PITPNC1: variants seen among roughly 807,000 people sequenced by gnomAD.
PITPNC1 encodes cytoplasmic phosphatidylinositol transfer protein 1.
PITPNC1 carries 18 observed loss-of-function variants against 44.7 expected under a neutral mutation model. The observed-to-expected ratio is 0.40, with a 90% CI of 0.28 to 0.60. The LOEUF (loss-of-function observed/expected upper bound fraction) is 0.60. Among genes scored for constraint, PITPNC1 ranks in the 20% least tolerant of loss-of-function variants. The pLI is 0.39. For synonymous variants in PITPNC1, 141 were observed against 149.6 expected, an observed-to-expected ratio of 0.94 and a Z score of 0.42; for missense variants, 290 against 418.4, an observed-to-expected ratio of 0.69 and a Z score of 2.68.
intron 2 of PITPNC1, among the ~76,000 whole-genome samples, chr17:67,541,739 C>T (rs995471014): frequency 2.6e-5 from 4 of 152,042 alleles, no homozygotes; most frequent in Non-Finnish European, 5.9e-5. Context: ...ATATTTAACC[C>T]GGAAAAGCTA....
intron 1 of PITPNC1, among the ~76,000 whole-genome samples, chr17:67,522,575 G>A (rs1344546875): frequency 6.6e-6 from 1 of 151,246 alleles, no homozygotes; most frequent in Admixed American, 6.6e-5. Context: ...CTTGAGGCAT[G>A]AGCCATACTC....
At chr17:67,673,961 C>T (rs1355718397) in intron 7 of PITPNC1, among the ~76,000 whole-genome samples, 5 of 67,480 alleles carry the variant, frequency 7.4e-5, no homozygotes, top group Admixed American at 2.0e-4. Flanking sequence ...AGCGAGACTC[C>T]GTCTCAAAAA....
chr17:67,469,343 C>T (rs1336295217), intron 1 of PITPNC1, among the ~76,000 whole-genome samples: 2 of 152,146 alleles, frequency 1.3e-5, no homozygotes, highest in Non-Finnish European at 1.5e-5. Context: ...CTGTGGTCTC[C>T]GTTTTGAGCT....
chr17:67,591,636 AT>A (rs1374514444), intron 5 of PITPNC1, among the ~76,000 whole-genome samples: 2 of 152,000 alleles, frequency 1.3e-5, no homozygotes, highest in African/African-American at 2.4e-5. Context: ...ATATTTCTTG[AT>A]TTTTTTTATA....
intron 1 of PITPNC1, among the ~76,000 whole-genome samples, chr17:67,496,492 C>T (rs948838706): frequency 7.2e-5 from 11 of 152,074 alleles, no homozygotes; most frequent in Non-Finnish European, 1.0e-4. Flanking sequence ...TTGAGTGCAC[C>T]GGTGACGACA....
At chr17:67,499,470 G>A (rs946713136) in intron 1 of PITPNC1, among the ~76,000 whole-genome samples, 5 of 152,028 alleles carry the variant, frequency 3.3e-5, no homozygotes, top group African/African-American at 4.8e-5. Flanking sequence ...ACCCTCCTTG[G>A]CCTCCCAAAG....
intron 5 of PITPNC1, chr17:67,612,060 T>G (rs555087169): frequency 2.0e-5 from 3 of 152,214 alleles, no homozygotes; most frequent in Non-Finnish European, 2.9e-5. Flanking sequence ...TTATACACAT[T>G]GTTGCTTTAC....
intron 5 of PITPNC1, among the ~76,000 whole-genome samples, chr17:67,630,214 G>A (rs928112391): frequency 1.3e-5 from 2 of 152,200 alleles, no homozygotes; most frequent in African/African-American, 2.4e-5. Flanking sequence ...ATTCTCTCCC[G>A]AAGAGTCAGA....
chr17:67,573,750 TG>T (rs1159323877), intron 4 of PITPNC1, among the ~76,000 whole-genome samples: 2 of 151,950 alleles, frequency 1.3e-5, no homozygotes, highest in African/African-American at 4.8e-5. Context: ...TTTGTAGAGA[TG>T]GGGGTCTCAC....
intron 1 of PITPNC1, among the ~76,000 whole-genome samples, chr17:67,436,650 T>C (rs942595540): frequency 6.6e-6 from 1 of 152,028 alleles, no homozygotes; most frequent in African/African-American, 2.4e-5. Flanking sequence ...CATAATCTGA[T>C]TCATGTTTCT....
intron 1 of PITPNC1, among the ~76,000 whole-genome samples, chr17:67,519,103 G>A (rs979781819): frequency 1.3e-5 from 2 of 151,118 alleles, no homozygotes; most frequent in African/African-American, 4.9e-5. Context: ...CCACTTCTAG[G>A]TCTGTACTCA....
chr17:67,425,197 GCACACGCACACACACACACACA>G (rs1187806878), intron 1 of PITPNC1, among the ~76,000 whole-genome samples: 2,213 of 98,454 alleles, frequency 0.022, 242 homozygotes, highest in African/African-American at 0.072. Flanking sequence ...GCGCGCGCAC[GCACACGCACACACACACACACA>G]CACACACACA....
intron 2 of PITPNC1, among the ~76,000 whole-genome samples, chr17:67,546,449 G>A (rs904459173): frequency 1.3e-5 from 2 of 152,024 alleles, no homozygotes; most frequent in Non-Finnish European, 2.9e-5. Flanking sequence ...ATGCTACCGG[G>A]CCCCTCTTCC....
chr17:67,643,614 G>C (rs2042114612), intron 6 of PITPNC1, among the ~76,000 whole-genome samples: 1 of 152,166 alleles, frequency 6.6e-6, no homozygotes, highest in African/African-American at 2.4e-5. Context: ...AATGTGGTGA[G>C]GGCCCTGGCT....
At position 67,692,775 on chromosome 17, in the gene PITPNC1, CG is replaced by C. The variant is rs745474047; in HGVS notation, c.888del (p.Lys298SerfsTer18). ...EFLSVPKDRP[R>X]KKSAPETLTL... ...TCTGTCCGTTCCCAAAGATCGGCCCCGGAAAAAGTCTGCCCCAGAAACTCTC... is the reference window on the plus strand; with the variant it reads ...TCTGTCCGTTCCCAAAGATCGGCCCCGAAAAAGTCTGCCCCAGAAACTCTC... On this transcript the variant is annotated frameshift_variant, in exon 9 of 9. Coordinates refer to ENST00000581322, the MANE Select transcript of PITPNC1 (RefSeq NM_012417.4). LOFTEE classifies it high-confidence loss of function. 1 of 1,613,732 alleles carries C rather than the reference CG, an allele frequency of 6.2e-7. No homozygotes were observed. The highest frequency in any genetic ancestry group is 8.5e-7 in the Non-Finnish European group (1 of 1,179,778).
chr17:67,606,019 C>A (rs1188586100), intron 5 of PITPNC1, among the ~76,000 whole-genome samples: 1 of 152,146 alleles, frequency 6.6e-6, no homozygotes, highest in Non-Finnish European at 1.5e-5. Context: ...GATTGTGTGT[C>A]TTTCTCTCTC....
At chr17:67,447,404 G>A (rs2039113984) in intron 1 of PITPNC1, among the ~76,000 whole-genome samples, 1 of 151,986 alleles carries the variant, frequency 6.6e-6, no homozygotes. Flanking sequence ...CCTTATGTAA[G>A]TCCTCAATAA....
intron 1 of PITPNC1, among the ~76,000 whole-genome samples, chr17:67,487,453 G>A (rs2039796659): frequency 6.6e-6 from 1 of 152,116 alleles, no homozygotes; most frequent in Non-Finnish European, 1.5e-5. Flanking sequence ...GGGATTACAG[G>A]CATGAGCCAC....
chr17:67,402,113 T>A (rs549035079), intron 1 of PITPNC1, among the ~76,000 whole-genome samples: 1 of 152,210 alleles, frequency 6.6e-6, no homozygotes, highest in Non-Finnish European at 1.5e-5. Flanking sequence ...ACTACTCAAC[T>A]CTGACCTCGT....
Sources: allele counts gnomAD v4.1 joint callset (sites outside exome capture counted in the v4.1 genomes callset), GRCh38; gene constraint gnomAD v4.1.1; transcripts MANE v1.5; gene names NCBI Gene and HGNC (gene_info 2026-07-23, HGNC 2026-07-21).